Variants in SHISA9 observed in about 807,000 individuals in gnomAD.
SHISA9 encodes shisa family member 9, also known as protein shisa-9.
In SHISA9, 13 loss-of-function variants were observed where a neutral mutation model predicts 38.0. The ratio of observed to expected loss-of-function variants is 0.34; its 90% CI spans 0.22 to 0.54. SHISA9 has a LOEUF of 0.54. SHISA9 is among the 20% of genes least tolerant of loss of function. The pLI, the probability that SHISA9 is intolerant of heterozygous loss-of-function variation, is 0.91. For missense variants in SHISA9, 538 were observed against 575.8 expected (o/e 0.93, Z 0.67); for synonymous variants, 275 against 242.0 (o/e 1.14, Z -1.27).
chr16:12,908,553 G>C (rs1484988971), intron 1 of SHISA9: 2 of 1,551,782 alleles, frequency 1.3e-6, no homozygotes, highest in Non-Finnish European at 1.7e-6. Context: ...GGAGAGTGGA[G>C]TGTCGGACTT....
intron 2 of SHISA9, among the ~76,000 whole-genome samples, chr16:13,159,650 G>A (rs959645365): frequency 6.6e-6 from 1 of 152,192 alleles, no homozygotes; most frequent in Non-Finnish European, 1.5e-5. Context: ...CTATATTTCA[G>A]TTCCACCAAA....
the SHISA9 span, among the ~76,000 whole-genome samples, chr16:13,445,609 C>T: frequency 1.2e-4 from 18 of 152,102 alleles, no homozygotes; most frequent in Non-Finnish European, 1.8e-4. Flanking sequence ...TAATTCATAG[C>T]GCTATGAGAT....
chr16:13,300,990 CCTTGT>C, the SHISA9 span, among the ~76,000 whole-genome samples: 4 of 152,104 alleles, frequency 2.6e-5, no homozygotes, highest in East Asian at 7.7e-4. Context: ...TCTTTTCTTT[CCTTGT>C]CAATATTGAC....
At chr16:13,477,626 G>C in the SHISA9 span, among the ~76,000 whole-genome samples, 1 of 152,116 alleles carries the variant, frequency 6.6e-6, no homozygotes, top group African/African-American at 2.4e-5. Context: ...CAAACAAAAC[G>C]AAAGTATTTC....
the SHISA9 span, among the ~76,000 whole-genome samples, chr16:13,517,768 G>A: frequency 1.2e-4 from 18 of 152,268 alleles, no homozygotes; most frequent in African/African-American, 3.6e-4. Flanking sequence ...ACCTCTCAAA[G>A]TTCTTCATGG....
chr16:13,458,303 T>A, the SHISA9 span: 3 of 258,320 alleles, frequency 1.2e-5, no homozygotes, highest in Non-Finnish European at 2.3e-5. Context: ...TCATGGGAGA[T>A]CATAAAAATT....
At chr16:13,144,231 C>G (rs1185746765) in intron 2 of SHISA9, among the ~76,000 whole-genome samples, 4 of 151,342 alleles carry the variant, frequency 2.6e-5, no homozygotes, top group Non-Finnish European at 5.9e-5. Context: ...TGGCTCACTG[C>G]AACCTCTGTC....
chr16:13,144,157 CTT>C (rs755627867), intron 2 of SHISA9, among the ~76,000 whole-genome samples: 71 of 127,602 alleles, frequency 5.6e-4, no homozygotes, highest in Admixed American at 7.1e-4. Context: ...GGGGCTAGTT[CTT>C]TTTTTTTTTT....
chr16:13,037,560 CTCT>C (rs2073089585), intron 2 of SHISA9, among the ~76,000 whole-genome samples: 2 of 151,974 alleles, frequency 1.3e-5, no homozygotes, highest in South Asian at 4.2e-4. Context: ...CAGAGATGAA[CTCT>C]TCTTTGCAAG....
intron 4 of SHISA9, among the ~76,000 whole-genome samples, chr16:13,223,154 C>T (rs570476380): frequency 5.6e-4 from 85 of 152,204 alleles, no homozygotes; most frequent in African/African-American, 9.4e-4. Context: ...TGGCTGGGTG[C>T]GGTGGCTCAT....
At chr16:13,047,473 A>C (rs187334493) in intron 2 of SHISA9, among the ~76,000 whole-genome samples, 13 of 152,330 alleles carry the variant, frequency 8.5e-5, no homozygotes, top group African/African-American at 3.1e-4. Context: ...AGGCAATGGA[A>C]AGAAGTTTGC....
At chr16:13,518,564 G>A in the SHISA9 span, among the ~76,000 whole-genome samples, 4 of 151,976 alleles carry the variant, frequency 2.6e-5, no homozygotes, top group South Asian at 2.1e-4. Flanking sequence ...CTGCTCCATC[G>A]AGCTGCTAAC....
intron 2 of SHISA9, among the ~76,000 whole-genome samples, chr16:13,115,539 C>G (rs1160624020): frequency 1.3e-5 from 2 of 152,190 alleles, no homozygotes; most frequent in African/African-American, 2.4e-5. Flanking sequence ...CCAGGTGTTC[C>G]TTGCCCTCAT....
chr16:13,532,439 G>C, the SHISA9 span, among the ~76,000 whole-genome samples: 1 of 152,166 alleles, frequency 6.6e-6, no homozygotes, highest in Admixed American at 6.5e-5. Context: ...AGAGGTTCCA[G>C]ACTCAGACTG....
the SHISA9 span, among the ~76,000 whole-genome samples, chr16:13,488,912 CCACCGCGCCT>C: frequency 6.6e-6 from 1 of 152,112 alleles, no homozygotes; most frequent in Admixed American, 6.5e-5. Context: ...CAGGCGCCTG[CCACCGCGCCT>C]GCCACCACGC....
chr16:13,233,294 G>A (rs998309311), intron 4 of SHISA9, among the ~76,000 whole-genome samples: 3 of 149,122 alleles, frequency 2.0e-5, no homozygotes, highest in African/African-American at 7.3e-5. Flanking sequence ...GAGGGAGGGA[G>A]GAAGAGAGAG....
the SHISA9 span, among the ~76,000 whole-genome samples, chr16:13,413,562 C>T: frequency 3.3e-5 from 5 of 151,868 alleles, no homozygotes; most frequent in East Asian, 1.9e-4. Flanking sequence ...TCAAGACCAG[C>T]GTGGCCGATA....
chr16:13,193,892 T>C (rs1287503815), intron 2 of SHISA9, among the ~76,000 whole-genome samples: 2 of 152,172 alleles, frequency 1.3e-5, no homozygotes, highest in Non-Finnish European at 2.9e-5. Context: ...GTTTCTTAAC[T>C]GGCTCAGCTG....
At chr16:13,269,032 T>A in the SHISA9 span, among the ~76,000 whole-genome samples, 3 of 152,256 alleles carry the variant, frequency 2.0e-5, no homozygotes, top group South Asian at 6.2e-4. Context: ...TAACATGTAG[T>A]CAAGGGAGCT....
Sources: gnomAD v4.1 joint callset for allele counts (sites outside exome capture counted in the v4.1 genomes callset) on GRCh38, gnomAD v4.1.1 for gene constraint, MANE v1.5 for transcripts, NCBI Gene and HGNC (gene_info 2026-07-23, HGNC 2026-07-21) for gene names.